The following FIGN variants were observed in gnomAD, a reference collection of about 807,000 sequenced individuals.
FIGN encodes fidgetin.
A neutral mutation model predicts 51.3 loss-of-function variants in FIGN; 11 were observed. That is an observed-to-expected ratio of 0.21 (90% CI 0.13 to 0.35). FIGN has a LOEUF of 0.35. FIGN is among the 10% of genes least tolerant of loss of function. The pLI is 1.00. For synonymous variants in FIGN, 407 were observed against 363.2 expected, an observed-to-expected ratio of 1.12 and a Z score of -1.37; for missense variants, 857 against 943.6, an observed-to-expected ratio of 0.91 and a Z score of 1.20.
Position 163,610,465 on chromosome 2 carries a change from G to C in FIGN, c.1367C>G (p.Ser456Cys), listed in dbSNP as rs1691217116. ...AGTATTCTTCAGTTGCTCGTCCACA[G>C]AGTGGTTGGATGAGGTAGCTGCACG... is the stretch of plus-strand genomic sequence containing the variant. ...GLRAATSSNH[S>C]VDEQLKNTDT... is the part of the protein sequence containing the mutation. Residue 456 changes from serine to cysteine, a missense_variant, in exon 3 of 3, where the codon TCT becomes TGT. Coordinates refer to ENST00000333129, the MANE Select transcript of FIGN (RefSeq NM_018086.4). 6.2e-7 allele frequency: 1 copy of C among 1,614,076 alleles called. No individual in the cohort carries two copies. The highest frequency in any genetic ancestry group is 1.1e-5 in the South Asian group (1 of 91,076).
At chr2:163,620,082 T>A (rs1002971039) in intron 2 of FIGN, among the ~76,000 whole-genome samples, 6 of 152,142 alleles carry the variant, frequency 3.9e-5, no homozygotes, top group Non-Finnish European at 8.8e-5. Context: ...TAATTCACAC[T>A]CTGAATCTTC....
chr2:163,643,394 T>C (rs1683333018), intron 2 of FIGN, among the ~76,000 whole-genome samples: 1 of 152,178 alleles, frequency 6.6e-6, no homozygotes, highest in South Asian at 2.1e-4. Flanking sequence ...CTGATGCTTG[T>C]AATCCCAGCA....
chr2:163,613,065 CT>C (rs1682793339), intron 2 of FIGN, among the ~76,000 whole-genome samples: 1 of 151,990 alleles, frequency 6.6e-6, no homozygotes, highest in Non-Finnish European at 1.5e-5. Context: ...TGTAAAGAGA[CT>C]TTAGAAATTA....
intron 2 of FIGN, among the ~76,000 whole-genome samples, chr2:163,719,459 G>C (rs1220766706): frequency 6.6e-6 from 1 of 152,104 alleles, no homozygotes; most frequent in Non-Finnish European, 1.5e-5. Context: ...CCAACCAACT[G>C]ACTTCCCATA....
At chr2:163,662,421 G>A (rs75016349) in intron 2 of FIGN, among the ~76,000 whole-genome samples, 1,969 of 152,310 alleles carry the variant, frequency 0.013, 50 homozygotes, top group African/African-American at 0.044. Context: ...GCAGCCTGGC[G>A]ATGCAGCAGC....
chr2:163,716,881 C>T (rs1256595866), intron 2 of FIGN, among the ~76,000 whole-genome samples: 1 of 152,186 alleles, frequency 6.6e-6, no homozygotes, highest in African/African-American at 2.4e-5. Context: ...TGAAGAAATA[C>T]AGCACCTCTT....
chr2:163,689,336 T>TACC lies in FIGN; in HGVS notation c.25+45564_25+45566dup, dbSNP rs970471178. Among the ~76,000 whole-genome samples the TACC allele has an allele frequency of 4.5e-4, 69 of 152,254 alleles. 1 individual carries two copies. Among genetic ancestry groups the TACC allele is most frequent in the African/African-American group, 1.6e-3 (67 of 41,562 alleles). On this transcript the variant is annotated intron_variant, in intron 2 of 2. Transcript: ENST00000333129. ...AGTGATGCTCATCTGGTTTCATAGG[T>TACC]ACCACATATATTTGTTGATCTATAT...
chr2:163,725,438 AT>A (rs1436555050), intron 2 of FIGN, among the ~76,000 whole-genome samples: 1 of 152,032 alleles, frequency 6.6e-6, no homozygotes, highest in Non-Finnish European at 1.5e-5. Flanking sequence ...AATAAAGACA[AT>A]TTTTTTAAAA....
At chr2:163,655,963 C>A (rs936669857) in intron 2 of FIGN, among the ~76,000 whole-genome samples, 1 of 152,104 alleles carries the variant, frequency 6.6e-6, no homozygotes, top group African/African-American at 2.4e-5. Flanking sequence ...TCTTCAACAC[C>A]TTTTGTAACA....
chr2:163,613,422 C>T (rs929747870), intron 2 of FIGN, among the ~76,000 whole-genome samples: 1 of 152,054 alleles, frequency 6.6e-6, no homozygotes, highest in African/African-American at 2.4e-5. Context: ...GTTTCTACCC[C>T]CTTCTGTGCT....
chr2:163,679,350 GC>G (rs1159821470), intron 2 of FIGN, among the ~76,000 whole-genome samples: 1 of 152,084 alleles, frequency 6.6e-6, no homozygotes, highest in African/African-American at 2.4e-5. Flanking sequence ...CAAAAAATTA[GC>G]CAGGCATGGT....
intron 2 of FIGN, among the ~76,000 whole-genome samples, chr2:163,694,124 G>A (rs1036498172): frequency 6.6e-6 from 1 of 152,134 alleles, no homozygotes; most frequent in Admixed American, 6.6e-5. Flanking sequence ...GTTTGGTGGA[G>A]CTTTTTATTC....
chr2:163,645,178 C>G (rs929472204), intron 2 of FIGN, among the ~76,000 whole-genome samples: 3 of 152,002 alleles, frequency 2.0e-5, no homozygotes, highest in African/African-American at 7.3e-5. Context: ...AGTAAAATGA[C>G]ATTAGAGACA....
At chr2:163,730,263 AAT>A (rs1202309679) in intron 2 of FIGN, among the ~76,000 whole-genome samples, 1 of 152,258 alleles carries the variant, frequency 6.6e-6, no homozygotes, top group Admixed American at 6.5e-5. Flanking sequence ...TAACATCAAA[AAT>A]ATCAAAAAGA....
At chr2:163,708,050 T>A (rs1178606817) in intron 2 of FIGN, among the ~76,000 whole-genome samples, 1 of 152,146 alleles carries the variant, frequency 6.6e-6, no homozygotes, top group Admixed American at 6.6e-5. Context: ...AGAGATAATT[T>A]CATCATTGGG....
At chr2:163,634,961 A>G (rs1683203883) in intron 2 of FIGN, among the ~76,000 whole-genome samples, 1 of 152,186 alleles carries the variant, frequency 6.6e-6, no homozygotes, top group Non-Finnish European at 1.5e-5. Context: ...CAAGAAAGAA[A>G]ATAATTTAAA....
intron 2 of FIGN, among the ~76,000 whole-genome samples, chr2:163,656,117 A>G (rs2105324391): frequency 6.6e-6 from 1 of 152,116 alleles, no homozygotes; most frequent in East Asian, 1.9e-4. Context: ...TCTCCCCAAG[A>G]CTCTTAAGGT....
At position 163,612,577 on chromosome 2, in the gene FIGN, T is replaced by C. The variant is rs1041939984; in HGVS notation, c.26-771A>G. 9.2e-6 allele frequency: 9 copies of C among 982,176 alleles called. No individual in the cohort carries two copies. The Admixed American group carries it at 2.5e-4, about 27-fold the overall frequency. 60.8% of individuals were successfully genotyped at this position (982,176 alleles called of 1,614,324 possible). ...TCCTTTCTGCCTCTCAGTTCTGTTGTTGAGTCTCTGAAAAAAAAAACAAGC... is the reference window on the plus strand; with the variant it reads ...TCCTTTCTGCCTCTCAGTTCTGTTGCTGAGTCTCTGAAAAAAAAAACAAGC... On this transcript the variant is annotated intron_variant, in intron 2 of 2. Coordinates refer to ENST00000333129, the MANE Select transcript of FIGN (RefSeq NM_018086.4).
At chr2:163,619,576 G>A (rs552242384) in intron 2 of FIGN, among the ~76,000 whole-genome samples, 8 of 152,156 alleles carry the variant, frequency 5.3e-5, no homozygotes, top group African/African-American at 1.9e-4. Context: ...ATTTCATGTG[G>A]TGGATAAAAC....
Sources: allele counts gnomAD v4.1 joint callset (sites outside exome capture counted in the v4.1 genomes callset), GRCh38; gene constraint gnomAD v4.1.1; transcripts MANE v1.5; gene names NCBI Gene and HGNC (gene_info 2026-07-23, HGNC 2026-07-21).